Variants in LDLRAD4 observed in about 807,000 individuals in gnomAD.
LDLRAD4 encodes the protein low density lipoprotein receptor class A domain containing 4.
LDLRAD4 carries 5 observed loss-of-function variants against 17.0 expected under a neutral mutation model. That is an observed-to-expected ratio of 0.29 (90% CI 0.15 to 0.62). The LOEUF (loss-of-function observed/expected upper bound fraction) is 0.62. Among genes scored for constraint, LDLRAD4 ranks in the 20% least tolerant of loss-of-function variants. LDLRAD4 has a pLI of 0.84. For missense variants in LDLRAD4, 340 were observed against 424.7 expected (o/e 0.80, Z 1.75); for synonymous variants, 168 against 171.8 (o/e 0.98, Z 0.17).
At chr18:13,409,797 TGATACTG>T (rs1186326802) in intron 2 of LDLRAD4, among the ~76,000 whole-genome samples, 6 of 152,222 alleles carry the variant, frequency 3.9e-5, no homozygotes, top group African/African-American at 1.4e-4. Context: ...AGGTGAGACC[TGATACTG>T]GGTGCTGAAA....
chr18:13,382,281 A>G (rs1216438411), intron 1 of LDLRAD4, among the ~76,000 whole-genome samples: 1 of 152,198 alleles, frequency 6.6e-6, no homozygotes, highest in Non-Finnish European at 1.5e-5. Flanking sequence ...CTGTTTTTAC[A>G]GTGTCTTTTA....
chr18:13,539,583 A>C (rs761420796), intron 3 of LDLRAD4, among the ~76,000 whole-genome samples: 20 of 151,738 alleles, frequency 1.3e-4, no homozygotes, highest in Non-Finnish European at 1.9e-4. Flanking sequence ...GACTCCATGC[A>C]CCTATTTAGT....
chr18:13,355,558 T>C (rs9303786), intron 1 of LDLRAD4, among the ~76,000 whole-genome samples: 2,022 of 152,348 alleles, frequency 0.013, 31 homozygotes, highest in Middle Eastern at 0.034. Context: ...CTAAGACCTA[T>C]GCTGTCTGTC....
At chr18:13,554,739 T>C (rs1422829456) in intron 3 of LDLRAD4, among the ~76,000 whole-genome samples, 1 of 152,234 alleles carries the variant, frequency 6.6e-6, no homozygotes, top group Non-Finnish European at 1.5e-5. Context: ...ATTTTAATGA[T>C]ATTTCCACTC....
Position 13,478,802 on chromosome 18 carries a change from C to T in LDLRAD4, c.181+40418C>T, listed in dbSNP as rs1600682107. ...TCTAAAGTTTATATGGAAAGGGAGACTGCCTGGAGTAGCCAACACAGTACT... is the reference window on the plus strand; with the variant it reads ...TCTAAAGTTTATATGGAAAGGGAGATTGCCTGGAGTAGCCAACACAGTACT... On this transcript the variant is annotated intron_variant, in intron 3 of 5. Transcript: ENST00000359446. Among the ~76,000 whole-genome samples, 4 of 152,178 alleles carry T rather than the reference C, an allele frequency of 2.6e-5. No homozygotes were observed. In the South Asian group the frequency reaches 8.3e-4, roughly 32 times the overall value.
At chr18:13,545,356 G>C (rs1284543052) in intron 3 of LDLRAD4, among the ~76,000 whole-genome samples, 2 of 152,214 alleles carry the variant, frequency 1.3e-5, no homozygotes, top group African/African-American at 4.8e-5. Flanking sequence ...TTATGTCCAA[G>C]TTATATATCA....
intron 1 of LDLRAD4, among the ~76,000 whole-genome samples, chr18:13,260,690 C>G (rs1277623409): frequency 1.3e-5 from 2 of 152,228 alleles, no homozygotes; most frequent in Non-Finnish European, 2.9e-5. Context: ...TTACAGATGT[C>G]TGTCTTTCCA....
At position 13,262,821 on chromosome 18, in the gene LDLRAD4, C is replaced by T. The variant is rs1287068328; in HGVS notation, c.-466-15284C>T. 1.5e-3 allele frequency among the ~76,000 whole-genome samples: 30 copies of T among 20,160 alleles called. 1 individual carries two copies. Among genetic ancestry groups the T allele is most frequent in the South Asian group, 4.9e-3 (2 of 408 alleles). 13.2% of individuals were successfully genotyped at this position (20,160 alleles called of 152,430 possible). A position where few individuals can be genotyped will look rare whatever the true frequency, so the allele number is the denominator to read the frequency against. On this transcript the variant is annotated intron_variant, in intron 1 of 5. Coordinates refer to the LDLRAD4 transcript ENST00000399848. ...GTGGAAACTGAGTCCCGTGCGGCTC[C>T]GTGCGTTGGGGCTGAGTCCCGTGCG...
chr18:13,590,017 G>T (rs2094991369), intron 3 of LDLRAD4, among the ~76,000 whole-genome samples: 1 of 145,082 alleles, frequency 6.9e-6, no homozygotes, highest in Non-Finnish European at 1.5e-5. Flanking sequence ...GTGTGGCTGT[G>T]CATGTGTATG....
intron 1 of LDLRAD4, among the ~76,000 whole-genome samples, chr18:13,232,426 A>G (rs2042124101): frequency 6.6e-6 from 1 of 152,144 alleles, no homozygotes; most frequent in Non-Finnish European, 1.5e-5. Context: ...AGTTGACTTC[A>G]GTTCTGTTTC....
chr18:13,509,630 G>T (rs570741001), intron 3 of LDLRAD4, among the ~76,000 whole-genome samples: 70 of 152,360 alleles, frequency 4.6e-4, no homozygotes, highest in African/African-American at 1.6e-3. Context: ...CATAAACTTA[G>T]TTGTTAAAGC....
At chr18:13,626,376 G>A (rs1482898213) in intron 4 of LDLRAD4, among the ~76,000 whole-genome samples, 2 of 152,168 alleles carry the variant, frequency 1.3e-5, no homozygotes, top group Non-Finnish European at 2.9e-5. Context: ...TGGAGCTGAG[G>A]GAGCCCAGGT....
At chr18:13,543,213 T>G (rs1206172469) in intron 3 of LDLRAD4, 2 of 152,200 alleles carry the variant, frequency 1.3e-5, no homozygotes, top group Non-Finnish European at 2.9e-5. Flanking sequence ...AGTCAGCTTT[T>G]TGTGCCCTTT....
At chr18:13,494,817 T>G (rs1008493068) in intron 3 of LDLRAD4, among the ~76,000 whole-genome samples, 9 of 150,362 alleles carry the variant, frequency 6.0e-5, no homozygotes, top group African/African-American at 1.7e-4. Context: ...ACTAAATGAT[T>G]GTTCACGAAG....
At chr18:13,272,186 A>C (rs2044596782) in intron 1 of LDLRAD4, among the ~76,000 whole-genome samples, 1 of 152,032 alleles carries the variant, frequency 6.6e-6, no homozygotes, top group Non-Finnish European at 1.5e-5. Flanking sequence ...GAGCCACCAC[A>C]CCTGGCCCTC....
chr18:13,601,823 G>A (rs1226480665), intron 3 of LDLRAD4, among the ~76,000 whole-genome samples: 1 of 152,064 alleles, frequency 6.6e-6, no homozygotes, highest in Non-Finnish European at 1.5e-5. Context: ...TATGCCCAAA[G>A]GAAAATAAAT....
intron 3 of LDLRAD4, among the ~76,000 whole-genome samples, chr18:13,494,870 T>C (rs1276885404): frequency 2.0e-5 from 3 of 150,952 alleles, no homozygotes; most frequent in African/African-American, 7.3e-5. Flanking sequence ...TCTTCCTATA[T>C]GTGTGGTCCT....
intron 1 of LDLRAD4, among the ~76,000 whole-genome samples, chr18:13,386,580 G>A (rs8182447): frequency 6.6e-6 from 1 of 152,126 alleles, no homozygotes; most frequent in African/African-American, 2.4e-5. Context: ...ATGTTGATGA[G>A]GCTGATCTCG....
intron 1 of LDLRAD4, among the ~76,000 whole-genome samples, chr18:13,246,293 T>C (rs1481712637): frequency 6.6e-6 from 1 of 152,206 alleles, no homozygotes; most frequent in Non-Finnish European, 1.5e-5. Flanking sequence ...CACTGTGCCC[T>C]TGGGGTCCCT....
Sources: allele counts gnomAD v4.1 joint callset (sites outside exome capture counted in the v4.1 genomes callset), GRCh38; gene constraint gnomAD v4.1.1; transcripts MANE v1.5; gene names NCBI Gene and HGNC (gene_info 2026-07-23, HGNC 2026-07-21).